CAMSAP1: variants seen among roughly 807,000 people sequenced by gnomAD.
CAMSAP1 encodes the protein calmodulin-regulated spectrin-associated protein 1.
In CAMSAP1, 58 loss-of-function variants were observed where a neutral mutation model predicts 143.5. That is an observed-to-expected ratio of 0.40 (90% CI 0.33 to 0.50). The LOEUF (loss-of-function observed/expected upper bound fraction) is 0.50. Ranked by LOEUF, CAMSAP1 falls within the 20% of genes least tolerant of loss-of-function variation. The probability of loss-of-function intolerance (pLI) is 0.45; values close to 1 mark genes in which losing one functional copy is unlikely to be tolerated. For synonymous variants in CAMSAP1, 945 were observed against 859.3 expected (o/e 1.10, Z -1.74); for missense variants, 1,969 against 2,115.7 (o/e 0.93, Z 1.36).
Position 135,821,265 on chromosome 9 carries a change from G to C in CAMSAP1, c.3396C>G (p.His1132Gln), listed in dbSNP as rs746598580. 3 of 1,609,512 alleles carry C rather than the reference G, an allele frequency of 1.9e-6. No individual in the cohort carries two copies. Among genetic ancestry groups the C allele is most frequent in the East Asian group, 2.2e-5 (1 of 44,882 alleles). The change falls in exon 11 of 17, where the codon CAC becomes CAG. Residue 1132 changes from histidine (H) to glutamine (Q), a missense_variant. Physicochemically the swap from His to Gln is conservative, Grantham distance 24. Transcript: ENST00000389532. This position sits in a 1 kb window ranked among gnomAD's most constrained non-coding sequence, Gnocchi z 4.6. Reference sequence around the variant, plus strand: ...GGCTGCTGGCAGGGAAGGGTCTCAAGTGCGGGAGCGTCTCTACACTGGGCG... The same window carrying C: ...GGCTGCTGGCAGGGAAGGGTCTCAACTGCGGGAGCGTCTCTACACTGGGCG... ...TPTPSVETLP[H>Q]LRPFPASSHP...
rs774592676 is a variant in CAMSAP1 at position 135,843,984 on chromosome 9, T to C, written c.1045+6153A>G. ...AGTTCTTAGAGACCTAGAAAGAGAC[T>C]TACACTGCCACACAATAATAGTGGG... On this transcript the variant is annotated intron_variant, in intron 7 of 16. Coordinates refer to ENST00000389532, the MANE Select transcript of CAMSAP1 (RefSeq NM_015447.4). 5.5e-4 allele frequency among the ~76,000 whole-genome samples: 83 copies of C among 151,768 alleles called. 1 individual carries two copies. Among genetic ancestry groups the C allele is most frequent in the Middle Eastern group, 6.8e-3 (2 of 292 alleles).
intron 7 of CAMSAP1, among the ~76,000 whole-genome samples, chr9:135,844,696 A>G (rs985121776): frequency 6.6e-6 from 1 of 152,240 alleles, no homozygotes; most frequent in Non-Finnish European, 1.5e-5. Context: ...ATCATCATTG[A>G]TCCCGCAGAA....
At chr9:135,878,549 G>A (rs534123755) in intron 3 of CAMSAP1, among the ~76,000 whole-genome samples, 8 of 152,266 alleles carry the variant, frequency 5.3e-5, no homozygotes, top group African/African-American at 7.2e-5. Flanking sequence ...TATGGAAATC[G>A]TACCAACAGC....
In CAMSAP1 at chr9:135,818,669, C is replaced by T. The variant is rs2131646340; in HGVS notation, c.3960-53G>A. 9 of 1,580,104 alleles carry T rather than the reference C, an allele frequency of 5.7e-6. No individual in the cohort carries two copies. Among genetic ancestry groups the T allele is most frequent in the Admixed American group, 1.7e-5 (1 of 58,416 alleles). On this transcript the variant is annotated intron_variant, in intron 12 of 16. Transcript: ENST00000389532. This position sits in a 1 kb window ranked among gnomAD's most constrained non-coding sequence, Gnocchi z 7.7. The stretch of plus-strand genomic sequence containing the variant: ...CTCGGTCACGGGGCTTCTTCCACGA[C>T]GCCTGCGCCGCGGCGCTCTGTCCAG...
In CAMSAP1 at chr9:135,826,253, G is replaced by A. The variant is rs564971756; in HGVS notation, c.1223+1154C>T. Reference sequence around the variant, plus strand: ...GACACGCAAAGACCGAAGGGAGGACGCCAAGTGTCCACGCTGGCCCCATGT... The same window carrying A: ...GACACGCAAAGACCGAAGGGAGGACACCAAGTGTCCACGCTGGCCCCATGT... On this transcript the variant is annotated intron_variant, in intron 8 of 16. Transcript: ENST00000389532. This position sits in a 1 kb window ranked among gnomAD's most constrained non-coding sequence, Gnocchi z 4.4. 69 of 152,436 alleles carry A rather than the reference G, an allele frequency of 4.5e-4. No homozygotes were observed. The highest frequency in any genetic ancestry group is 1.3e-3 in the African/African-American group (52 of 41,516). 9.4% of individuals were successfully genotyped at this position (152,436 alleles called of 1,614,324 possible).
chr9:135,893,627 G>A (rs530677248), intron 1 of CAMSAP1, among the ~76,000 whole-genome samples: 3 of 152,184 alleles, frequency 2.0e-5, no homozygotes, highest in Admixed American at 1.3e-4. Flanking sequence ...GAAAAAATGG[G>A]GCAGAAACAG....
rs1390289405 is a variant in CAMSAP1, at chr9:135,881,650, C to G, written c.568G>C (p.Val190Leu). ...GCACTCACCTTGTTGATCCAGAACA[C>G]CATGGCATCCTCGAGGTCGTACGGA... ...ELPYDLEDAM[V>L]FWINKVNLKM... is the part of the protein sequence containing the mutation. Residue 190 changes from valine (V) to leucine (L), a missense_variant, in exon 3 of 17, where the codon GTG becomes CTG. Around this residue, in one of 4 missense-constraint regions of CAMSAP1, gnomAD observed 221 missense variants for 298.2 expected, o/e 0.74. Transcript: ENST00000389532. 1.3e-6 allele frequency: 2 copies of G among 1,551,722 alleles called. No homozygotes were observed. The highest frequency in any genetic ancestry group is 3.9e-5 in the Admixed American group (2 of 51,014).
chr9:135,822,705 C>T lies in CAMSAP1; in HGVS notation c.1956G>A (p.Pro652=), dbSNP rs565096888. ...GSRDLNRTFT[P]IPCSEFPMGI... ...CCATGGGGAATTCTGAGCATGGAAT[C>T]GGGGTAAAAGTCCTATTCAAGTCGC... Residue 652 remains proline (P), a synonymous_variant, in exon 11 of 17, where the codon CCG becomes CCA. Coordinates refer to ENST00000389532, the MANE Select transcript of CAMSAP1 (RefSeq NM_015447.4). The surrounding 1 kb of genome is among the most constrained non-coding windows in gnomAD (Gnocchi z 6.1). The T allele has an allele frequency of 1.1e-4, 171 of 1,610,358 alleles. 1 individual carries two copies. In the South Asian group the frequency reaches 1.5e-3, roughly 14 times the overall value.
chr9:135,813,489 A>G (rs770751751), intron 16 of CAMSAP1, among the ~76,000 whole-genome samples: 4 of 152,244 alleles, frequency 2.6e-5, no homozygotes, highest in Non-Finnish European at 5.9e-5. Context: ...ACAGAATTAG[A>G]TGCCAAAAAG....
At chr9:135,880,681 T>A (rs1365376477) in intron 3 of CAMSAP1, among the ~76,000 whole-genome samples, 2 of 152,132 alleles carry the variant, frequency 1.3e-5, no homozygotes, top group Non-Finnish European at 2.9e-5. Flanking sequence ...AAGCTAACTA[T>A]CAGTAACTCC....
chr9:135,835,003 C>T (rs567825467), intron 7 of CAMSAP1, among the ~76,000 whole-genome samples: 31 of 152,224 alleles, frequency 2.0e-4, no homozygotes, highest in African/African-American at 7.5e-4. Context: ...CGTGGAGCTG[C>T]GGGGTGTAGC....
rs61221445 is a variant in CAMSAP1, at chr9:135,826,194, GCACA to G, written c.1223+1209_1223+1212del. 4 of 113,576 alleles carry G rather than the reference GCACA, an allele frequency of 3.5e-5. No homozygotes were observed. Among genetic ancestry groups the G allele is most frequent in the Admixed American group, 1.6e-4 (2 of 12,634 alleles). The allele number at this position is 113,576 out of a possible 1,614,324, so 7.0% of individuals were successfully genotyped here. ...CAGAGCAGCGTGTACACGGGCACCA[GCACA>G]CACACACACACACACACGGCTCAAC... On this transcript the variant is annotated intron_variant, in intron 8 of 16. Coordinates refer to ENST00000389532, the MANE Select transcript of CAMSAP1 (RefSeq NM_015447.4). The surrounding 1 kb of genome is among the most constrained non-coding windows in gnomAD (Gnocchi z 4.4).
intron 1 of CAMSAP1, among the ~76,000 whole-genome samples, chr9:135,899,505 T>C (rs1360402779): frequency 3.3e-5 from 5 of 151,858 alleles, no homozygotes; most frequent in African/African-American, 1.2e-4. Flanking sequence ...CAGGGACTTC[T>C]CTGAAAAGCT....
At chr9:135,866,812 T>C (rs1035937782) in intron 3 of CAMSAP1, among the ~76,000 whole-genome samples, 4 of 152,088 alleles carry the variant, frequency 2.6e-5, no homozygotes, top group Non-Finnish European at 5.9e-5. Flanking sequence ...TCACTACATC[T>C]TGGCAGTGGT....
chr9:135,884,395 A>G (rs375782046), intron 1 of CAMSAP1, among the ~76,000 whole-genome samples: 2 of 151,476 alleles, frequency 1.3e-5, no homozygotes, highest in South Asian at 4.2e-4. Context: ...TTCCTTCACT[A>G]TTTTCCTGAG....
chr9:135,889,932 C>T (rs750819408), intron 1 of CAMSAP1, among the ~76,000 whole-genome samples: 16 of 152,218 alleles, frequency 1.1e-4, no homozygotes, highest in Non-Finnish European at 1.9e-4. Flanking sequence ...GAAGAAATCT[C>T]GAGGCCCCCA....
intron 7 of CAMSAP1, among the ~76,000 whole-genome samples, chr9:135,847,282 G>T (rs986867162): frequency 4.6e-5 from 7 of 152,158 alleles, no homozygotes; most frequent in African/African-American, 1.7e-4. Flanking sequence ...GTGAACCCGG[G>T]AGGTGGAGCT....
intron 5 of CAMSAP1, among the ~76,000 whole-genome samples, chr9:135,850,782 C>T (rs750563421): frequency 1.3e-5 from 2 of 152,154 alleles, no homozygotes; most frequent in African/African-American, 4.8e-5. Flanking sequence ...CCATGCTGCA[C>T]GTAGCGAGTA....
intron 5 of CAMSAP1, among the ~76,000 whole-genome samples, chr9:135,854,956 T>C (rs1200637561): frequency 2.0e-5 from 3 of 152,032 alleles, no homozygotes; most frequent in Admixed American, 6.6e-5. Flanking sequence ...AGTGTCTGTG[T>C]TTCCTTCTTT....
Sources: allele counts gnomAD v4.1 joint callset (sites outside exome capture counted in the v4.1 genomes callset), GRCh38; gene constraint gnomAD v4.1.1; regional missense constraint gnomAD v4.1.1; non-coding constraint Gnocchi (gnomAD v3.1); transcripts MANE v1.5; gene names NCBI Gene and HGNC (gene_info 2026-07-23, HGNC 2026-07-21).